Variants in ZBTB34 observed in about 807,000 individuals in gnomAD.
ZBTB34 encodes the protein zinc finger and BTB domain-containing protein 34.
ZBTB34 carries 1 observed loss-of-function variant against 33.4 expected under a neutral mutation model. The ratio of observed to expected loss-of-function variants is 0.03; its 90% CI spans 0.01 to 0.14. The LOEUF (loss-of-function observed/expected upper bound fraction) is 0.14, where lower values mean the gene tolerates loss of function less well. Among genes scored for constraint, ZBTB34 ranks in the 10% least tolerant of loss-of-function variants. The pLI is 1.00. For synonymous variants in ZBTB34, 283 were observed against 253.5 expected, an observed-to-expected ratio of 1.12 and a Z score of -1.11; for missense variants, 406 against 657.2, an observed-to-expected ratio of 0.62 and a Z score of 4.18.
intron 1 of ZBTB34, among the ~76,000 whole-genome samples, chr9:126,878,599 CAAT>C (rs911712443): frequency 1.1e-4 from 16 of 152,026 alleles, no homozygotes; most frequent in Admixed American, 4.6e-4. Flanking sequence ...CAAATCAAGA[CAAT>C]AATACTGAAA....
rs2033402161 is a variant in ZBTB34, at chr9:126,879,259, G to A, written c.-10-131G>A. 1 of 715,334 alleles carries A rather than the reference G, an allele frequency of 1.4e-6. No homozygotes were observed. The highest frequency in any genetic ancestry group is 2.2e-6 in the Non-Finnish European group (1 of 445,712). The allele number at this position is 715,334 out of a possible 1,614,324, so 44.3% of individuals were successfully genotyped here. ...CAAAACATGAAAGACTAAAACAAGG[G>A]GAAGAATGCTTCAGGTAGATTTTAG... On this transcript the variant is annotated intron_variant, in intron 1 of 1. Coordinates refer to ENST00000319119, the Ensembl canonical transcript of ZBTB34. The surrounding 1 kb of genome is among the most constrained non-coding windows in gnomAD (Gnocchi z 6.4).
intron 1 of ZBTB34, among the ~76,000 whole-genome samples, chr9:126,872,610 A>G (rs1455101420): frequency 1.3e-5 from 2 of 151,942 alleles, no homozygotes; most frequent in African/African-American, 4.8e-5. Flanking sequence ...TCCTGGGATC[A>G]CTGGACCTGA....
intron 1 of ZBTB34, among the ~76,000 whole-genome samples, chr9:126,865,711 G>A (rs950987869): frequency 1.3e-5 from 2 of 152,200 alleles, no homozygotes; most frequent in Admixed American, 6.5e-5. Flanking sequence ...GGGGCCGGGC[G>A]CAGTAGCTCA....
chr9:126,870,416 A>G (rs946487525), intron 1 of ZBTB34, among the ~76,000 whole-genome samples: 2 of 152,238 alleles, frequency 1.3e-5, no homozygotes, highest in South Asian at 4.1e-4. Flanking sequence ...AATGTAGGAA[A>G]AATAATTTAA....
intron 1 of ZBTB34, among the ~76,000 whole-genome samples, chr9:126,869,578 G>T (rs2033252198): frequency 6.6e-6 from 1 of 152,150 alleles, no homozygotes; most frequent in Non-Finnish European, 1.5e-5. Flanking sequence ...CAGCAGCCCA[G>T]GCTGGTGTGG....
At chr9:126,878,583 AAC>A (rs1452423874) in intron 1 of ZBTB34, among the ~76,000 whole-genome samples, 1 of 152,188 alleles carries the variant, frequency 6.6e-6, no homozygotes, top group African/African-American at 2.4e-5. Flanking sequence ...CTGAAGGGCA[AAC>A]ACACAAATCA....
At chr9:126,872,448 G>A (rs982255222) in intron 1 of ZBTB34, among the ~76,000 whole-genome samples, 1 of 152,144 alleles carries the variant, frequency 6.6e-6, no homozygotes, top group African/African-American at 2.4e-5. Context: ...TCTAACTTAG[G>A]TGTAGGCCCA....
At chr9:126,881,120 G>A (rs764713838) in exon 2 of ZBTB34, 9 of 584,296 alleles carry the variant, frequency 1.5e-5, no homozygotes, top group Admixed American at 6.7e-5. Flanking sequence ...GAAGGGCAAC[G>A]CATCCAGGGA....
exon 2 of ZBTB34, chr9:126,884,101 A>G (rs924924885): frequency 6.0e-6 from 1 of 167,052 alleles, no homozygotes; most frequent in African/African-American, 2.4e-5. Context: ...TATGTGAAGA[A>G]ATCTTTTACA....
rs767001676 is a variant in ZBTB34, at chr9:126,880,703, A to G, written c.1304A>G (p.Glu435Gly). 1 of 1,613,838 alleles carries G rather than the reference A, an allele frequency of 6.2e-7. No homozygotes were observed. Among genetic ancestry groups the G allele is most frequent in the Non-Finnish European group, 8.5e-7 (1 of 1,179,900 alleles). Residue 435 changes from glutamate to glycine, a missense_variant, in exon 2 of 2, where the codon GAG (glutamate) becomes GGG (glycine). Coordinates refer to ENST00000319119, the Ensembl canonical transcript of ZBTB34. This position sits in a 1 kb window ranked among gnomAD's most constrained non-coding sequence, Gnocchi z 6.7. The stretch of plus-strand genomic sequence containing the variant: ...ACAGATGATAAACCATTCCGCTGTG[A>G]GATCTGCGGGAAGTGCTTTCCATTC...
chr9:126,874,712 T>A (rs761501055), intron 1 of ZBTB34, among the ~76,000 whole-genome samples: 53 of 152,190 alleles, frequency 3.5e-4, no homozygotes, highest in Non-Finnish European at 1.8e-4. Flanking sequence ...TGCACACACT[T>A]CCAGCACGTC....
At chr9:126,868,104 T>C (rs1401086131) in intron 1 of ZBTB34, among the ~76,000 whole-genome samples, 1 of 152,188 alleles carries the variant, frequency 6.6e-6, no homozygotes, top group Non-Finnish European at 1.5e-5. Context: ...TGATGGTCGC[T>C]TGCTCTTCCT....
At chr9:126,884,125 T>C (rs138921312) in exon 2 of ZBTB34, 1 of 167,170 alleles carries the variant, frequency 6.0e-6, no homozygotes, top group African/African-American at 2.4e-5. Context: ...AAATATATCC[T>C]GAATTCATAT....
intron 1 of ZBTB34, among the ~76,000 whole-genome samples, chr9:126,876,429 C>A (rs1455470314): frequency 6.6e-6 from 1 of 151,150 alleles, no homozygotes. Flanking sequence ...TTGATTTGGT[C>A]ATATGGGTTT....
chr9:126,871,182 G>T (rs7029175), intron 1 of ZBTB34, among the ~76,000 whole-genome samples: 74,764 of 122,028 alleles, frequency 0.61, 19,933 homozygotes, highest in Non-Finnish European at 0.68. Flanking sequence ...AAGTGAGGGG[G>T]GTGTGTGTGT....
intron 1 of ZBTB34, among the ~76,000 whole-genome samples, chr9:126,861,880 A>T (rs1455506149): frequency 6.6e-6 from 1 of 152,058 alleles, no homozygotes; most frequent in African/African-American, 2.4e-5. Flanking sequence ...TCCTTCCTTT[A>T]TGCTAAAGCC....
At chr9:126,883,048 C>T (rs2033466207) in exon 2 of ZBTB34, 2 of 167,104 alleles carry the variant, frequency 1.2e-5, no homozygotes, top group South Asian at 4.1e-4. Context: ...GGGGTTCGTT[C>T]TCTCCCTGAA....
rs781719184 is a variant in ZBTB34 at position 126,880,167 on chromosome 9, G to C, written c.768G>C (p.Leu256=). ...CCAGCTGTTCCGACAGCTCCTCCCT[G>C]GGTGACGATGGGTACCACACCGAGA... is the stretch of plus-strand genomic sequence containing the variant. The change falls in exon 2 of 2, where the codon CTG becomes CTC. Residue 256 remains leucine (L), a synonymous_variant. Transcript: ENST00000319119. The surrounding 1 kb of genome is among the most constrained non-coding windows in gnomAD (Gnocchi z 6.7). The C allele has an allele frequency of 4.3e-6, 7 of 1,613,782 alleles. No homozygotes were observed. Among genetic ancestry groups the C allele is most frequent in the Non-Finnish European group, 5.1e-6 (6 of 1,179,886 alleles).
chr9:126,870,693 G>A (rs1050952910), intron 1 of ZBTB34, among the ~76,000 whole-genome samples: 8 of 152,184 alleles, frequency 5.3e-5, no homozygotes, highest in South Asian at 2.1e-4. Context: ...TTGGGAGGCC[G>A]AGGTGGGTGG....
Sources: gnomAD v4.1 joint callset for allele counts (sites outside exome capture counted in the v4.1 genomes callset) on GRCh38, gnomAD v4.1.1 for gene constraint, Gnocchi (gnomAD v3.1) non-coding constraint, MANE v1.5 for transcripts, NCBI Gene and HGNC (gene_info 2026-07-23, HGNC 2026-07-21) for gene names.